Variants in C10orf90 observed in about 807,000 individuals in gnomAD.
The protein encoded by C10orf90 is chromosome 10 open reading frame 90, also known as (E2-independent) E3 ubiquitin-conjugating enzyme FATS.
In C10orf90, 56 loss-of-function variants were observed where a neutral mutation model predicts 62.5. That is an observed-to-expected ratio of 0.90 (90% confidence interval 0.72 to 1.12). The LOEUF is 1.12. C10orf90 is among the 50% of genes most tolerant of loss of function. C10orf90 has a pLI of 0.00. For missense variants in C10orf90, 970 were observed against 880.4 expected, an observed-to-expected ratio of 1.10 and a Z score of -1.29; for synonymous variants, 386 against 340.4, an observed-to-expected ratio of 1.13 and a Z score of -1.47.
intron 5 of C10orf90, 47 bp from the exon 6 acceptor site, chr10:126,461,632 T>A: frequency 6.4e-7 from 1 of 1,570,324 alleles, no homozygotes; most frequent in Non-Finnish European, 8.6e-7. Flanking sequence ...CCAAGTGATT[T>A]TCACGTGGCT....
chr10:126,461,874 T>G (rs1860005279), intron 5 of C10orf90, among the ~76,000 whole-genome samples: 2 of 152,256 alleles, frequency 1.3e-5, no homozygotes, highest in Admixed American at 6.5e-5. Flanking sequence ...GAAAAGAAAC[T>G]TTTCTATTCA....
At chr10:126,429,684 A>C in intron 8 of C10orf90, 103 bp downstream of exon 8, 1 of 903,228 alleles carries the variant, frequency 1.1e-6, no homozygotes, top group Non-Finnish European at 1.8e-6. Context: ...CAGACCTTAA[A>C]CATGGACCTA....
At chr10:126,574,263 G>A (rs558332510) in intron 2 of C10orf90, among the ~76,000 whole-genome samples, 22 of 152,224 alleles carry the variant, frequency 1.4e-4, no homozygotes, top group South Asian at 4.2e-4. Flanking sequence ...TTGAGCACTC[G>A]TATGTGAGAC....
intron 2 of C10orf90, among the ~76,000 whole-genome samples, chr10:126,626,875 A>G (rs113814127): frequency 1.3e-5 from 2 of 152,344 alleles, no homozygotes; most frequent in African/African-American, 4.8e-5. Context: ...TGCAAGGACA[A>G]TTCATTCAGC....
chr10:126,631,335 A>G (rs1217896434), intron 2 of C10orf90, among the ~76,000 whole-genome samples: 1 of 152,044 alleles, frequency 6.6e-6, no homozygotes, highest in African/African-American at 2.4e-5. Flanking sequence ...TGGCTCCTTG[A>G]ACACACCAGT....
intron 2 of C10orf90, among the ~76,000 whole-genome samples, chr10:126,641,613 C>T (rs114821438): frequency 0.022 from 3,349 of 152,052 alleles, 132 homozygotes; most frequent in African/African-American, 0.074. Context: ...GACTTCCAAT[C>T]GCCCTCAATC....
At chr10:126,464,581 G>A in intron 5 of C10orf90, 115 bp downstream of exon 5, 1 of 1,156,272 alleles carries the variant, frequency 8.6e-7, no homozygotes, top group Admixed American at 2.2e-5. Flanking sequence ...AGTTGGAGAA[G>A]GGGAGGTTTC....
At chr10:126,641,274 A>T (rs986067296) in intron 2 of C10orf90, among the ~76,000 whole-genome samples, 5 of 152,184 alleles carry the variant, frequency 3.3e-5, no homozygotes, top group Non-Finnish European at 7.3e-5. Flanking sequence ...GGTTTAATTC[A>T]GTACTAATGA....
chr10:126,627,368 T>C (rs1845766872), intron 2 of C10orf90, among the ~76,000 whole-genome samples: 1 of 152,172 alleles, frequency 6.6e-6, no homozygotes, highest in African/African-American at 2.4e-5. Flanking sequence ...CTGTAACATG[T>C]CTCATGAATG....
chr10:126,524,670 C>G, intron 2 of C10orf90: 4 of 986,150 alleles, frequency 4.1e-6, no homozygotes, highest in Non-Finnish European at 4.8e-6. Context: ...CACCTGGCCA[C>G]TCAGCCATGT....
At chr10:126,667,744 C>T (rs1846661133) in intron 1 of C10orf90, among the ~76,000 whole-genome samples, 1 of 152,194 alleles carries the variant, frequency 6.6e-6, no homozygotes. Flanking sequence ...GGACAGAAGG[C>T]AGAGCTCCAA....
chr10:126,642,425 G>A (rs572250628), intron 2 of C10orf90, among the ~76,000 whole-genome samples: 40 of 152,158 alleles, frequency 2.6e-4, no homozygotes, highest in Admixed American at 5.9e-4. Context: ...CCAGCTACTC[G>A]GGAGACTGAG....
intron 2 of C10orf90, among the ~76,000 whole-genome samples, chr10:126,532,461 G>A (rs948295108): frequency 5.3e-5 from 8 of 152,104 alleles, no homozygotes; most frequent in Middle Eastern, 6.8e-3. Context: ...TCTGAGCTTT[G>A]GCCAGTGGGT....
intron 1 of C10orf90, among the ~76,000 whole-genome samples, chr10:126,657,247 A>C (rs1196025955): frequency 6.6e-6 from 1 of 152,218 alleles, no homozygotes; most frequent in East Asian, 1.9e-4. Flanking sequence ...CATCACCACT[A>C]ACCATCTCCA....
At chr10:126,555,680 GTAAA>G (rs71032506) in intron 2 of C10orf90, among the ~76,000 whole-genome samples, 3,973 of 136,422 alleles carry the variant, frequency 0.029, 170 homozygotes, top group African/African-American at 0.091. Flanking sequence ...CTCTATCTCA[GTAAA>G]TAAATAAATA....
rs1004385205 is a variant in C10orf90, at chr10:126,541,347, T to A, written c.314-27408A>T. ...TGGATAAATAAAATTTTAAAAAACA[T>A]TTAAAGAAAATAAATTAAAATAACA... On this transcript the variant is annotated intron_variant, in intron 2 of 9. Coordinates refer to ENST00000488181, the MANE Select transcript of C10orf90 (RefSeq NM_001350921.2). Among the ~76,000 whole-genome samples the A allele has an allele frequency of 3.3e-5, 5 of 152,004 alleles. No individual in the cohort carries two copies. In the South Asian group the frequency reaches 8.3e-4, roughly 25 times the overall value.
chr10:126,607,734 C>T (rs1401569329), intron 2 of C10orf90, among the ~76,000 whole-genome samples: 1 of 152,184 alleles, frequency 6.6e-6, no homozygotes. Flanking sequence ...GTTATAAAAT[C>T]ATACATGGAT....
chr10:126,616,524 G>T (rs7094400), intron 2 of C10orf90, among the ~76,000 whole-genome samples: 7,369 of 152,226 alleles, frequency 0.048, 523 homozygotes, highest in African/African-American at 0.16. Flanking sequence ...AGCTGGGCCT[G>T]GGGAAGATTT....
At chr10:126,596,503 C>A (rs921594376) in intron 2 of C10orf90, among the ~76,000 whole-genome samples, 1 of 152,240 alleles carries the variant, frequency 6.6e-6, no homozygotes, top group Middle Eastern at 3.4e-3. Context: ...GGGGTTACAT[C>A]CTGACAAATC....
Sources: allele counts gnomAD v4.1 joint callset (sites outside exome capture counted in the v4.1 genomes callset), GRCh38; gene constraint gnomAD v4.1.1; transcripts MANE v1.5; gene names NCBI Gene and HGNC (gene_info 2026-07-23, HGNC 2026-07-21).